PELI2: variants seen among roughly 807,000 people sequenced by gnomAD.
PELI2 encodes pellino E3 ubiquitin protein ligase family member 2.
A neutral mutation model predicts 42.3 loss-of-function variants in PELI2; 23 were observed. The ratio of observed to expected loss-of-function variants is 0.54; its 90% CI spans 0.39 to 0.77. The LOEUF is 0.77. Among genes scored for constraint, PELI2 ranks in the 30% least tolerant of loss-of-function variants. PELI2 has a pLI of 0.00. For synonymous variants in PELI2, 245 were observed against 212.2 expected (o/e 1.15, Z -1.34); for missense variants, 463 against 553.2 (o/e 0.84, Z 1.64).
intron 2 of PELI2, among the ~76,000 whole-genome samples, chr14:56,222,449 A>T (rs1887173049): frequency 6.6e-6 from 1 of 152,212 alleles, no homozygotes; most frequent in South Asian, 2.1e-4. Context: ...AACATCTACC[A>T]CTTAGTTGAA....
In PELI2 at chr14:56,243,413, G is replaced by T. The variant is rs143227113; in HGVS notation, c.208-36263G>T. Reference sequence around the variant, plus strand: ...GCAGGCTTTCTCCTTGTTTGAGAGGGTTTAGAGCATGAGAAGCGCCTGGCC... The same window carrying T: ...GCAGGCTTTCTCCTTGTTTGAGAGGTTTTAGAGCATGAGAAGCGCCTGGCC... On this transcript the variant is annotated intron_variant, in intron 2 of 5. Transcript: ENST00000267460. Among the ~76,000 whole-genome samples, 919 of 152,254 alleles carry T rather than the reference G, an allele frequency of 6.0e-3. 9 individuals are homozygous for T. The highest frequency in any genetic ancestry group is 0.021 in the African/African-American group (863 of 41,530).
chr14:56,217,112 T>C (rs1479746), intron 2 of PELI2, among the ~76,000 whole-genome samples: 60,835 of 152,012 alleles, frequency 0.4, 13,023 homozygotes, highest in South Asian at 0.53. Flanking sequence ...CATTCTTTTG[T>C]TACATTATAG....
At chr14:56,266,687 C>A (rs914665409) in intron 2 of PELI2, among the ~76,000 whole-genome samples, 39 of 151,956 alleles carry the variant, frequency 2.6e-4, no homozygotes, top group Non-Finnish European at 4.7e-4. Flanking sequence ...CAATAACTAT[C>A]AATATCAGAA....
rs1326039073 is a variant in PELI2 at position 56,273,442 on chromosome 14, C to T, written c.208-6234C>T. Among the ~76,000 whole-genome samples, 1 of 152,164 alleles carries T rather than the reference C, an allele frequency of 6.6e-6. No individual in the cohort carries two copies. Among genetic ancestry groups the T allele is most frequent in the Non-Finnish European group, 1.5e-5 (1 of 68,040 alleles). On this transcript the variant is annotated intron_variant, in intron 2 of 5. Coordinates refer to ENST00000267460, the MANE Select transcript of PELI2 (RefSeq NM_021255.3). This position sits in a 1 kb window ranked among gnomAD's most constrained non-coding sequence, Gnocchi z 4.3. ...GATGCCAGATGATACATGATGATTG[C>T]ACAAAAGCATCTTCAGGACAGAAAG... is the stretch of plus-strand genomic sequence containing the variant.
intron 2 of PELI2, among the ~76,000 whole-genome samples, chr14:56,224,690 A>G (rs1282123996): frequency 3.3e-5 from 5 of 152,166 alleles, no homozygotes; most frequent in Non-Finnish European, 1.5e-5. Context: ...TTTTTGTGTA[A>G]TAGTTTGATT....
intron 2 of PELI2, among the ~76,000 whole-genome samples, chr14:56,265,675 C>T (rs935516015): frequency 5.3e-5 from 8 of 151,920 alleles, no homozygotes; most frequent in African/African-American, 1.4e-4. Flanking sequence ...GGTACACAGA[C>T]GGGTAGAAAA....
intron 1 of PELI2, among the ~76,000 whole-genome samples, chr14:56,160,902 G>T (rs1884734833): frequency 6.6e-6 from 1 of 152,202 alleles, no homozygotes. Flanking sequence ...AAGAGGTAGA[G>T]CTGGAATCCC....
chr14:56,157,407 C>G (rs1218176171), intron 1 of PELI2, among the ~76,000 whole-genome samples: 2 of 152,124 alleles, frequency 1.3e-5, no homozygotes, highest in African/African-American at 2.4e-5. Flanking sequence ...ATAGAAGAAT[C>G]TTCTTTAGAA....
intron 1 of PELI2, among the ~76,000 whole-genome samples, chr14:56,127,333 G>A (rs1883310329): frequency 6.6e-6 from 1 of 152,100 alleles, no homozygotes; most frequent in Admixed American, 6.5e-5. Flanking sequence ...GAGTAGGTGG[G>A]GTAATCTATA....
intron 1 of PELI2, among the ~76,000 whole-genome samples, chr14:56,145,318 T>TC (rs1723391453): frequency 6.6e-6 from 1 of 152,102 alleles, no homozygotes; most frequent in Non-Finnish European, 1.5e-5. Flanking sequence ...ACCCCCATGA[T>TC]CCAGTCACCT....
At position 56,299,290 on chromosome 14, in the gene PELI2, C is replaced by T. The variant is rs935367789; in HGVS notation, c.*2124C>T. ...GTTTATAAGTCTAGTCATTCTGCAA[C>T]GTGACATATCCCCCAAAATGAAGTT... On this transcript the variant is annotated 3_prime_UTR_variant, in exon 6 of 6. Coordinates refer to ENST00000267460, the MANE Select transcript of PELI2 (RefSeq NM_021255.3). 44 of 152,204 alleles carry T rather than the reference C, an allele frequency of 2.9e-4. No individual in the cohort carries two copies. Among genetic ancestry groups the T allele is most frequent in the Non-Finnish European group, 5.9e-5 (4 of 68,036 alleles). The allele number at this position is 152,204 out of a possible 1,614,324, so 9.4% of individuals were successfully genotyped here.
intron 1 of PELI2, among the ~76,000 whole-genome samples, chr14:56,137,590 G>A (rs919126928): frequency 3.9e-5 from 6 of 152,098 alleles, no homozygotes; most frequent in South Asian, 4.1e-4. Flanking sequence ...AAAGTGCGTC[G>A]TTTCCCCTTC....
In PELI2 at chr14:56,227,047, A is replaced by G. The variant is rs549358088; in HGVS notation, c.207+48583A>G. Reference sequence around the variant, plus strand: ...TGTGGCAATTTTCAGGAATGTGTCTATTATACAAAATGAAAACAAATTATC... The same window carrying G: ...TGTGGCAATTTTCAGGAATGTGTCTGTTATACAAAATGAAAACAAATTATC... On this transcript the variant is annotated intron_variant, in intron 2 of 5. Transcript: ENST00000267460. 4.6e-5 allele frequency among the ~76,000 whole-genome samples: 7 copies of G among 152,354 alleles called. No individual in the cohort carries two copies. The East Asian group carries it at 9.6e-4, about 21-fold the overall frequency.
At chr14:56,175,167 C>T (rs917446327) in intron 1 of PELI2, among the ~76,000 whole-genome samples, 2 of 151,928 alleles carry the variant, frequency 1.3e-5, no homozygotes, top group African/African-American at 2.4e-5. Flanking sequence ...GGCTAATTTT[C>T]GTATTTTTTG....
intron 1 of PELI2, among the ~76,000 whole-genome samples, chr14:56,153,585 A>G (rs1437078619): frequency 6.6e-6 from 1 of 152,232 alleles, no homozygotes; most frequent in Non-Finnish European, 1.5e-5. Flanking sequence ...GATAAATTAC[A>G]TGAGTTAAAA....
intron 2 of PELI2, among the ~76,000 whole-genome samples, chr14:56,239,075 C>G (rs994104882): frequency 6.6e-6 from 1 of 151,910 alleles, no homozygotes; most frequent in Admixed American, 6.6e-5. Context: ...TTCAGAGAGG[C>G]CTTTTTATGC....
chr14:56,162,049 G>A (rs1476638554), intron 1 of PELI2, among the ~76,000 whole-genome samples: 2 of 152,092 alleles, frequency 1.3e-5, no homozygotes, highest in East Asian at 3.9e-4. Context: ...TTTGATACAG[G>A]CATGCAATGT....
intron 5 of PELI2, among the ~76,000 whole-genome samples, chr14:56,291,519 A>G (rs1040501365): frequency 2.0e-5 from 3 of 152,228 alleles, no homozygotes; most frequent in African/African-American, 7.2e-5. Flanking sequence ...CATTTTCTAA[A>G]AAAAAAGCAA....
intron 2 of PELI2, among the ~76,000 whole-genome samples, chr14:56,189,888 A>G (rs975756834): frequency 1.5e-4 from 23 of 152,226 alleles, no homozygotes; most frequent in Non-Finnish European, 2.9e-5. Context: ...AAATTAGTTG[A>G]ATATACTAAC....
Sources: gnomAD v4.1 joint callset for allele counts (sites outside exome capture counted in the v4.1 genomes callset) on GRCh38, gnomAD v4.1.1 for gene constraint, Gnocchi (gnomAD v3.1) non-coding constraint, MANE v1.5 for transcripts, NCBI Gene and HGNC (gene_info 2026-07-23, HGNC 2026-07-21) for gene names.